Variants in CLASP1 observed in about 807,000 individuals in gnomAD.
CLASP1 encodes CLIP-associating protein 1.
In CLASP1, 38 loss-of-function variants were observed where a neutral mutation model predicts 192.3. The observed-to-expected ratio is 0.20, with a 90% CI of 0.15 to 0.26. The LOEUF (loss-of-function observed/expected upper bound fraction) is 0.26, where lower values mean the gene tolerates loss of function less well. Ranked by LOEUF, CLASP1 falls within the 10% of genes least tolerant of loss-of-function variation. CLASP1 has a pLI of 1.00. For missense variants in CLASP1, 1,433 were observed against 1,932.5 expected (o/e 0.74, Z 4.85); for synonymous variants, 691 against 712.8 (o/e 0.97, Z 0.49).
intron 23 of CLASP1, among the ~76,000 whole-genome samples, chr2:121,417,150 A>C (rs1454446122): frequency 2.0e-5 from 3 of 152,194 alleles, no homozygotes; most frequent in African/African-American, 7.2e-5. Flanking sequence ...AAGCAGATCC[A>C]TTTAATCAAA....
chr2:121,436,375 T>A (rs2082320922), intron 19 of CLASP1, among the ~76,000 whole-genome samples: 1 of 151,848 alleles, frequency 6.6e-6, no homozygotes, highest in Admixed American at 6.6e-5. Flanking sequence ...TTTGTCTTAC[T>A]TGGAATTTAT....
At chr2:121,517,931 A>G (rs1009226005) in intron 6 of CLASP1, among the ~76,000 whole-genome samples, 2 of 126,722 alleles carry the variant, frequency 1.6e-5, no homozygotes, top group African/African-American at 6.4e-5. Flanking sequence ...TCGTGCCTAT[A>G]ATCCCAGCAC....
chr2:121,339,149 A>C (rs2062590826), exon 40 of CLASP1: 1 of 153,694 alleles, frequency 6.5e-6, no homozygotes, highest in African/African-American at 2.4e-5. Context: ...ACACACACAC[A>C]CACACACACA....
chr2:121,387,696 T>C, intron 31 of CLASP1, 67 bp downstream of exon 32: 1 of 1,501,966 alleles, frequency 6.7e-7, no homozygotes, highest in Non-Finnish European at 9.2e-7. Flanking sequence ...TTAGAGTAGG[T>C]TCTAGATAAG....
At chr2:121,443,619 T>C (rs2149746661) in intron 19 of CLASP1, among the ~76,000 whole-genome samples, 1 of 152,346 alleles carries the variant, frequency 6.6e-6, no homozygotes, top group Admixed American at 6.5e-5. Context: ...CAGAGGTTTC[T>C]TGTCCTTATT....
At chr2:121,338,478 T>C (rs2062521740) in exon 40 of CLASP1, 2 of 152,344 alleles carry the variant, frequency 1.3e-5, no homozygotes, top group African/African-American at 4.8e-5. Flanking sequence ...TTAGGTGCTC[T>C]GCTCTTTTGT....
exon 37 of CLASP1, chr2:121,363,294 T>C: frequency 2.5e-6 from 4 of 1,613,698 alleles, no homozygotes; most frequent in South Asian, 1.1e-5. Flanking sequence ...AGTGCTCGAA[T>C]TGAATGCTAG....
At chr2:121,364,953 T>C in intron 36 of CLASP1, 141 bp downstream of exon 37, 1 of 817,894 alleles carries the variant, frequency 1.2e-6, no homozygotes, top group South Asian at 1.6e-5. Context: ...AGAAAATATG[T>C]GAAAAATGAA....
chr2:121,447,263 T>A, intron 19 of CLASP1, 74 bp downstream of exon 19: 1 of 1,337,658 alleles, frequency 7.5e-7, no homozygotes, highest in East Asian at 2.5e-5. Flanking sequence ...CATGGGTTTG[T>A]ATTTTGCTAA....
chr2:121,569,010 G>T (rs186482585), intron 2 of CLASP1, among the ~76,000 whole-genome samples: 3 of 152,018 alleles, frequency 2.0e-5, no homozygotes, highest in African/African-American at 7.3e-5. Flanking sequence ...TGTGCCTTCC[G>T]GAGATATAAA....
intron 30 of CLASP1, among the ~76,000 whole-genome samples, chr2:121,390,986 T>C (rs2074246940): frequency 6.6e-6 from 1 of 152,158 alleles, no homozygotes; most frequent in South Asian, 2.1e-4. Flanking sequence ...GTCGGCCTAA[T>C]ATCTTTCGTT....
intron 20 of CLASP1, among the ~76,000 whole-genome samples, chr2:121,429,567 G>A (rs748383157): frequency 2.6e-5 from 4 of 152,184 alleles, no homozygotes; most frequent in South Asian, 2.1e-4. Context: ...ATACAGAGAC[G>A]CAATCATGGA....
intron 2 of CLASP1, among the ~76,000 whole-genome samples, chr2:121,544,213 T>A (rs2095287112): frequency 6.6e-6 from 1 of 151,988 alleles, no homozygotes. Flanking sequence ...GTTCCAAGAG[T>A]GTACTGTAAC....
intron 1 of CLASP1, among the ~76,000 whole-genome samples, chr2:121,611,249 T>A (rs1316401733): frequency 6.4e-5 from 4 of 62,478 alleles, no homozygotes; most frequent in Non-Finnish European, 9.6e-5. Context: ...GAGGAGGCGT[T>A]GGAGGAGTTA....
chr2:121,410,726 T>C (rs1170993637), intron 24 of CLASP1, 140 bp downstream of exon 25: 4 of 570,496 alleles, frequency 7.0e-6, no homozygotes, highest in Non-Finnish European at 1.2e-5. Flanking sequence ...ACAATATAAA[T>C]TTACCCAACA....
At chr2:121,427,600 T>C (rs2080664669) in intron 20 of CLASP1, 170 bp from the exon 21 acceptor site, 9 of 669,146 alleles carry the variant, frequency 1.3e-5, no homozygotes, top group Admixed American at 2.6e-5. Flanking sequence ...CTTATGTTTA[T>C]CTTTGTCATT....
intron 1 of CLASP1, among the ~76,000 whole-genome samples, chr2:121,619,582 A>G (rs1172186461): frequency 6.6e-6 from 1 of 152,216 alleles, no homozygotes; most frequent in Non-Finnish European, 1.5e-5. Flanking sequence ...TACACTTGCC[A>G]TCAGAAAATA....
intron 34 of CLASP1, among the ~76,000 whole-genome samples, chr2:121,369,310 A>G (rs2068087707): frequency 6.6e-6 from 1 of 152,226 alleles, no homozygotes. Flanking sequence ...AAAATAATAC[A>G]TAATATATGC....
intron 6 of CLASP1, among the ~76,000 whole-genome samples, chr2:121,518,871 C>T (rs572983796): frequency 2.0e-5 from 3 of 152,264 alleles, no homozygotes; most frequent in Admixed American, 2.0e-4. Context: ...GAACAAGACG[C>T]TGTCTCAAGA....
Sources: gnomAD v4.1 joint callset for allele counts (sites outside exome capture counted in the v4.1 genomes callset) on GRCh38, gnomAD v4.1.1 for gene constraint, MANE v1.5 for transcripts, NCBI Gene and HGNC (gene_info 2026-07-23, HGNC 2026-07-21) for gene names.